Variants in ZFYVE26 observed in about 807,000 individuals in gnomAD.
ZFYVE26 encodes the protein zinc finger FYVE-type containing 26.
In ZFYVE26, 181 loss-of-function variants were observed where a neutral mutation model predicts 276.5. That is an observed-to-expected ratio of 0.65 (90% CI 0.58 to 0.74). The LOEUF is 0.74. Ranked by LOEUF, ZFYVE26 falls within the 30% of genes least tolerant of loss-of-function variation. The pLI is 0.00. For missense variants in ZFYVE26, 2,821 were observed against 3,097.9 expected (o/e 0.91, Z 2.12); for synonymous variants, 1,129 against 1,203.1 (o/e 0.94, Z 1.27).
intron 18 of ZFYVE26, 70 bp from the exon 19 acceptor site, chr14:67,785,347 A>T: frequency 7.1e-7 from 1 of 1,405,868 alleles, no homozygotes; most frequent in Non-Finnish European, 9.8e-7. Context: ...TCAATTTCTG[A>T]CTGGATATGT....
At chr14:67,785,367 C>T (rs2039622030) in intron 18 of ZFYVE26, 90 bp from the exon 19 acceptor site, 2 of 1,172,104 alleles carry the variant, frequency 1.7e-6, no homozygotes, top group East Asian at 2.6e-5. Flanking sequence ...TGAACTGTGC[C>T]CCCTATACAC....
In ZFYVE26 at chr14:67,754,066, T is replaced by C. The variant is rs1034908341; in HGVS notation, c.7128+5A>G. On this transcript the variant is annotated splice_donor_5th_base_variant and intron_variant, in intron 38 of 41. Coordinates refer to ENST00000347230, the MANE Select transcript of ZFYVE26 (RefSeq NM_015346.4). ...TCTGCCAGAGGTCTGAAACGCTGCATGTACCTTGCAGGCAACATCCATTTT... is the reference window on the plus strand; with the variant it reads ...TCTGCCAGAGGTCTGAAACGCTGCACGTACCTTGCAGGCAACATCCATTTT... 3.1e-6 allele frequency: 5 copies of C among 1,614,260 alleles called. No homozygotes were observed. In the Admixed American group the frequency reaches 6.7e-5, roughly 22 times the overall value.
intron 12 of ZFYVE26, 21 bp downstream of exon 12, chr14:67,797,651 G>A: frequency 6.2e-7 from 1 of 1,613,168 alleles, no homozygotes; most frequent in East Asian, 2.2e-5. Context: ...CTAGTGCATG[G>A]GAATGAGCTC....
chr14:67,744,464 T>C (rs2038456669), downstream of ZFYVE26, among the ~76,000 whole-genome samples: 1 of 152,208 alleles, frequency 6.6e-6, no homozygotes, highest in Non-Finnish European at 1.5e-5. Context: ...GTTTGTTACA[T>C]AGGTATACAT....
Position 67,783,339 on chromosome 14 carries a change from A to G in ZFYVE26, c.3813T>C (p.Ser1271=). The change falls in exon 21 of 42, where the codon TCT becomes TCC. Residue 1271 remains serine (S), a synonymous_variant. Coordinates refer to ENST00000347230, the MANE Select transcript of ZFYVE26 (RefSeq NM_015346.4). ...ASHCLDDLPL[S]TPSSPRTTEN... is the part of the protein sequence containing the mutation. Reference sequence around the variant, plus strand: ...CAGTTGTCCTCGGGGAGCTCGGTGTAGAAAGTGGGAGGTCATCCAGGCAGT... The same window carrying G: ...CAGTTGTCCTCGGGGAGCTCGGTGTGGAAAGTGGGAGGTCATCCAGGCAGT... The G allele has an allele frequency of 6.2e-7, 1 of 1,613,082 alleles. No homozygotes were observed. The highest frequency in any genetic ancestry group is 8.5e-7 in the Non-Finnish European group (1 of 1,179,142).
chr14:67,799,120 G>A, intron 10 of ZFYVE26: 1 of 1,365,462 alleles, frequency 7.3e-7, no homozygotes, highest in Non-Finnish European at 1.0e-6. Context: ...TAGACTAGGA[G>A]GCGTACTGGC....
intron 41 of ZFYVE26, among the ~76,000 whole-genome samples, 200 bp from the exon 42 acceptor site, chr14:67,748,839 G>A (rs951722032): frequency 6.6e-6 from 1 of 152,158 alleles, no homozygotes; most frequent in South Asian, 2.1e-4. Flanking sequence ...ATTTTATAGT[G>A]TAAAAAGTTA....
rs928340057 is a variant in ZFYVE26, at chr14:67,735,345, C to G, written n.2680-5526G>C. 5.2e-6 allele frequency: 4 copies of G among 765,670 alleles called. No homozygotes were observed. The African/African-American group carries it at 6.8e-5, about 13-fold the overall frequency. The allele number at this position is 765,670 out of a possible 1,614,324, so 47.4% of individuals were successfully genotyped here. A position where few individuals can be genotyped will look rare whatever the true frequency, so the allele number is the denominator to read the frequency against. On this transcript the variant is annotated intron_variant and non_coding_transcript_variant, in intron 13 of 14. Coordinates refer to the ZFYVE26 transcript ENST00000394455. ...GACACCAAAAGGACCATCTAGTCTG[C>G]TCAGCCTGGGCAAGGAACATGTGCC...
Position 67,733,906 on chromosome 14 carries a change from AAGG to A in ZFYVE26, n.2680-4090_2680-4088del, listed in dbSNP as rs2038319270. ...ATCCATGCCATAATGAACAGGGACC[AAGG>A]AGAAGGCCAACCCTAAAGGATTGTC... is the stretch of plus-strand genomic sequence containing the variant. On this transcript the variant is annotated intron_variant and non_coding_transcript_variant, in intron 13 of 14. Coordinates refer to the ZFYVE26 transcript ENST00000394455. 4 of 1,310,946 alleles carry A rather than the reference AAGG, an allele frequency of 3.1e-6. No homozygotes were observed. In the Admixed American group the frequency reaches 5.2e-5, roughly 17 times the overall value. 81.2% of individuals were successfully genotyped at this position (1,310,946 alleles called of 1,614,324 possible). A position where few individuals can be genotyped will look rare whatever the true frequency, so the allele number is the denominator to read the frequency against.
In ZFYVE26 at chr14:67,798,084, C is replaced by T. The variant is rs370772062; in HGVS notation, c.2178G>A (p.Leu726=). 24 of 1,614,068 alleles carry T rather than the reference C, an allele frequency of 1.5e-5. No homozygotes were observed. The highest frequency in any genetic ancestry group is 1.9e-5 in the Non-Finnish European group (23 of 1,180,040). ...SGSRDGLQSR[L]HRLSKVVSEA... ...CAGAGACAACCTTGGAAAGTCGATG[C>T]AGGCGGCTCTGCAGTCCATCTCTGC... Residue 726 remains leucine, a synonymous_variant, in exon 11 of 42, where the codon CTG becomes CTA. Coordinates refer to ENST00000347230, the MANE Select transcript of ZFYVE26 (RefSeq NM_015346.4).
chr14:67,733,840 T>A (rs1197816184), intron 13 of ZFYVE26: 1 of 1,610,912 alleles, frequency 6.2e-7, no homozygotes, highest in East Asian at 2.2e-5. Context: ...AGGAATCCGG[T>A]GGGAGTAGCT....
chr14:67,750,021 C>T (rs1274957892), intron 41 of ZFYVE26, among the ~76,000 whole-genome samples: 6 of 152,144 alleles, frequency 3.9e-5, no homozygotes, highest in Non-Finnish European at 8.8e-5. Flanking sequence ...TATTTTAGAG[C>T]GTGTCTTTCC....
chr14:67,807,642 T>C lies in ZFYVE26; in HGVS notation c.642A>G (p.Val214=). 2 of 1,614,144 alleles carry C rather than the reference T, an allele frequency of 1.2e-6. No individual in the cohort carries two copies. Among genetic ancestry groups the C allele is most frequent in the Non-Finnish European group, 8.5e-7 (1 of 1,180,014 alleles). Residue 214 remains valine (V), a synonymous_variant, in exon 5 of 42, where the codon GTA becomes GTG. Transcript: ENST00000347230. ...GCAGGGCTCCATAGATGGCATCGACTACCCCAGGGGGCACCGAATCAGGGC... is the reference window on the plus strand; with the variant it reads ...GCAGGGCTCCATAGATGGCATCGACCACCCCAGGGGGCACCGAATCAGGGC... ...LQGPDSVPPG[V]VDAIYGALRT...
chr14:67,739,045 G>C (rs1414402846), intron 13 of ZFYVE26, among the ~76,000 whole-genome samples: 1 of 152,170 alleles, frequency 6.6e-6, no homozygotes, highest in Non-Finnish European at 1.5e-5. Flanking sequence ...CAAGGCAACC[G>C]TGCGGATCAC....
At chr14:67,775,154 A>G (rs373226543) in intron 26 of ZFYVE26, 40 bp from the exon 27 acceptor site, 14 of 1,433,464 alleles carry the variant, frequency 9.8e-6, no homozygotes, top group South Asian at 2.5e-5. Context: ...TGGTTCTACC[A>G]TAAGTATCTT....
intron 27 of ZFYVE26, 84 bp downstream of exon 27, chr14:67,774,932 A>C (rs2039300920): frequency 2.6e-5 from 1 of 38,748 alleles, no homozygotes; most frequent in South Asian, 1.4e-3. Context: ...AAAAAGAAGC[A>C]AAAAAAAAAA....
At chr14:67,771,083 A>T (rs545823253) in intron 28 of ZFYVE26, among the ~76,000 whole-genome samples, 1 of 152,070 alleles carries the variant, frequency 6.6e-6, no homozygotes, top group Non-Finnish European at 1.5e-5. Context: ...GGTAGTAAGC[A>T]TGGTACCTAG....
At chr14:67,784,964 G>C in intron 19 of ZFYVE26, 95 bp downstream of exon 19, 1 of 1,300,034 alleles carries the variant, frequency 7.7e-7, no homozygotes, top group Non-Finnish European at 1.1e-6. Context: ...GGCTACTGCT[G>C]TATCCAGAGC....
At chr14:67,786,254 A>G (rs752983783) in intron 16 of ZFYVE26, 21 bp from the exon 17 acceptor site, 11 of 1,591,078 alleles carry the variant, frequency 6.9e-6, no homozygotes, top group Non-Finnish European at 8.6e-6. Flanking sequence ...ATGAAGGAAG[A>G]GGGAATGCAA....
Sources: gnomAD v4.1 joint callset for allele counts (sites outside exome capture counted in the v4.1 genomes callset) on GRCh38, gnomAD v4.1.1 for gene constraint, MANE v1.5 for transcripts, NCBI Gene and HGNC (gene_info 2026-07-23, HGNC 2026-07-21) for gene names.